Variants in CYBRD1 observed in about 807,000 individuals in gnomAD.
CYBRD1 encodes the protein cytochrome b reductase 1, also known as plasma membrane ascorbate-dependent reductase CYBRD1.
CYBRD1 carries 14 observed loss-of-function variants against 21.9 expected under a neutral mutation model. The ratio of observed to expected loss-of-function variants is 0.64; its 90% CI spans 0.42 to 1.00. CYBRD1 has a LOEUF of 1.00. Ranked by LOEUF, CYBRD1 falls within the 50% of genes least tolerant of loss-of-function variation. CYBRD1 has a pLI of 0.00. For missense variants in CYBRD1, 328 were observed against 352.5 expected (o/e 0.93, Z 0.56); for synonymous variants, 146 against 136.5 (o/e 1.07, Z -0.48).
intron 1 of CYBRD1, among the ~76,000 whole-genome samples, chr2:171,524,021 G>C (rs1455340343): frequency 1.3e-5 from 2 of 152,206 alleles, no homozygotes; most frequent in African/African-American, 4.8e-5. Context: ...GTGCAAAAGA[G>C]TGCTGACCTC....
intron 1 of CYBRD1, among the ~76,000 whole-genome samples, chr2:171,537,177 G>A (rs760925911): frequency 1.5e-4 from 23 of 152,244 alleles, no homozygotes; most frequent in Non-Finnish European, 2.4e-4. Flanking sequence ...GTATGTGTGC[G>A]TGTGTGTGTA....
chr2:171,538,854 A>G (rs77695410), intron 1 of CYBRD1, among the ~76,000 whole-genome samples: 8,252 of 151,966 alleles, frequency 0.054, 906 homozygotes, highest in East Asian at 0.53. Context: ...CTGGAGTGCA[A>G]TGGTGCGGTC....
At chr2:171,538,377 G>A (rs77248090) in intron 1 of CYBRD1, among the ~76,000 whole-genome samples, 4 of 152,154 alleles carry the variant, frequency 2.6e-5, no homozygotes, top group African/African-American at 4.8e-5. Context: ...ACACATTAAC[G>A]CCCTCAGAGA....
At position 171,555,388 on chromosome 2, in the gene CYBRD1, G is replaced by A. The variant is rs574833301; in HGVS notation, c.*561G>A. On this transcript the variant is annotated 3_prime_UTR_variant, in exon 4 of 4. Transcript: ENST00000321348. ...CTGCCTTCTGCTCCCTCCCCAGCTG[G>A]TTTGGGCTCAAATTGTCCCTGGAGA... 9.5e-5 allele frequency: 15 copies of A among 158,584 alleles called. No homozygotes were observed. Among genetic ancestry groups the A allele is most frequent in the African/African-American group, 3.4e-4 (14 of 41,570 alleles). The allele number at this position is 158,584 out of a possible 1,614,324, so 9.8% of individuals were successfully genotyped here.
intron 2 of CYBRD1, among the ~76,000 whole-genome samples, chr2:171,548,235 C>G (rs901710120): frequency 6.6e-6 from 1 of 152,058 alleles, no homozygotes; most frequent in Non-Finnish European, 1.5e-5. Flanking sequence ...ATTAGCATCA[C>G]TAGGGAAATT....
chr2:171,522,499 C>A lies in CYBRD1; in HGVS notation c.-47C>A, dbSNP rs767053544. On this transcript the variant is annotated 5_prime_UTR_variant, in exon 1 of 4. Transcript: ENST00000321348. The surrounding 1 kb of genome is among the most constrained non-coding windows in gnomAD (Gnocchi z 4.3). ...GCCACTACCCAGAGGGCTGCCGCCG[C>A]CTCTCCAAGTTCTTGTGGCCCCCGC... 3 of 1,557,896 alleles carry A rather than the reference C, an allele frequency of 1.9e-6. No individual in the cohort carries two copies. Among genetic ancestry groups the A allele is most frequent in the East Asian group, 4.7e-5 (2 of 42,172 alleles).
rs140650014 is a variant in CYBRD1 at position 171,544,707 on chromosome 2, C to G, written c.402+2914C>G. Among the ~76,000 whole-genome samples the G allele has an allele frequency of 2.5e-3, 376 of 152,260 alleles. 3 individuals are homozygous for G. Among genetic ancestry groups the G allele is most frequent in the African/African-American group, 8.7e-3 (362 of 41,536 alleles). ...CATCTCTGCTCCTACTATTTATGTACAAAGCCAATTGCATCCTATAGAGTA... is the reference window on the plus strand; with the variant it reads ...CATCTCTGCTCCTACTATTTATGTAGAAAGCCAATTGCATCCTATAGAGTA... On this transcript the variant is annotated intron_variant, in intron 2 of 3. Coordinates refer to ENST00000321348, the MANE Select transcript of CYBRD1 (RefSeq NM_024843.4).
chr2:171,553,316 A>G, intron 2 of CYBRD1, 30 bp from the exon 3 acceptor site: 1 of 1,611,828 alleles, frequency 6.2e-7, no homozygotes. Flanking sequence ...TTAAAATTAA[A>G]TGATAACCTT....
intron 2 of CYBRD1, among the ~76,000 whole-genome samples, chr2:171,550,820 CAGAA>C (rs1697786606): frequency 6.6e-6 from 1 of 151,806 alleles, no homozygotes; most frequent in African/African-American, 2.4e-5. Flanking sequence ...TGAGAGAAAA[CAGAA>C]AGAATCTTAG....
Position 171,522,562 on chromosome 2 carries a change from ACTGGCGCTTC to A in CYBRD1, c.26_35del (p.Phe9CysfsTer13), listed in dbSNP as rs1697323115. 6.2e-7 allele frequency: 1 copy of A among 1,606,400 alleles called. No homozygotes were observed. The highest frequency in any genetic ancestry group is 8.5e-7 in the Non-Finnish European group (1 of 1,177,272). On this transcript the variant is annotated frameshift_variant, in exon 1 of 4. Coordinates refer to ENST00000321348, the MANE Select transcript of CYBRD1 (RefSeq NM_024843.4). LOFTEE classifies it high-confidence loss of function. The surrounding 1 kb of genome is among the most constrained non-coding windows in gnomAD (Gnocchi z 4.3). ...GGGGCGCTGATGGCCATGGAGGGCTACTGGCGCTTCCTGGCGCTGCTGGGGTCGGCACTGC... is the reference window on the plus strand; with the variant it reads ...GGGGCGCTGATGGCCATGGAGGGCTACTGGCGCTGCTGGGGTCGGCACTGC...
At chr2:171,532,402 G>A (rs1165769267) in intron 1 of CYBRD1, among the ~76,000 whole-genome samples, 1 of 152,172 alleles carries the variant, frequency 6.6e-6, no homozygotes, top group African/African-American at 2.4e-5. Context: ...GTTGTTAAGT[G>A]GGTCCAAGTG....
chr2:171,553,944 T>C (rs1260139583), intron 3 of CYBRD1, among the ~76,000 whole-genome samples: 1 of 152,104 alleles, frequency 6.6e-6, no homozygotes, highest in Non-Finnish European at 1.5e-5. Context: ...TTACTGAAAA[T>C]GAAAGTACAC....
upstream of CYBRD1, chr2:171,522,338 G>A (rs1280172407): frequency 4.6e-6 from 7 of 1,518,974 alleles, no homozygotes; most frequent in Non-Finnish European, 1.8e-6. The surrounding 1 kb of genome is among the most constrained non-coding windows in gnomAD (Gnocchi z 4.3). Context: ...CGTGATCCCG[G>A]GGGTGGGGCC....
In CYBRD1 at chr2:171,537,231, T is replaced by C. The variant is rs150564419; in HGVS notation, c.194-4354T>C. ...GGCAAGGGGGAGATGTGTTATTAGG[T>C]CTTCATATATCGCACATTTTTATTT... On this transcript the variant is annotated intron_variant, in intron 1 of 3. Coordinates refer to ENST00000321348, the MANE Select transcript of CYBRD1 (RefSeq NM_024843.4). Among the ~76,000 whole-genome samples the C allele has an allele frequency of 1.2e-3, 185 of 152,210 alleles. 3 individuals are homozygous for C. Among genetic ancestry groups the C allele is most frequent in the East Asian group, 0.011 (57 of 5,180 alleles).
intron 1 of CYBRD1, among the ~76,000 whole-genome samples, chr2:171,523,877 G>A (rs942023461): frequency 1.3e-5 from 2 of 152,188 alleles, no homozygotes; most frequent in South Asian, 2.1e-4. Context: ...GGGTGGAGTG[G>A]TGTTATGTCG....
chr2:171,545,837 G>A (rs1697704622), intron 2 of CYBRD1, among the ~76,000 whole-genome samples: 1 of 151,958 alleles, frequency 6.6e-6, no homozygotes. Context: ...TTTGTGTTGG[G>A]AGCATTCCAG....
In CYBRD1 at chr2:171,545,581, G is replaced by A. The variant is rs1244018894; in HGVS notation, c.402+3788G>A. Among the ~76,000 whole-genome samples, 8 of 146,174 alleles carry A rather than the reference G, an allele frequency of 5.5e-5. No homozygotes were observed. The East Asian group carries it at 1.6e-3, about 29-fold the overall frequency. ...TTTTTTTTTTTTTAGTAGAGACGGG[G>A]TTTCACCATGTTGGTCAGGCTGGTC... On this transcript the variant is annotated intron_variant, in intron 2 of 3. Coordinates refer to ENST00000321348, the MANE Select transcript of CYBRD1 (RefSeq NM_024843.4).
intron 1 of CYBRD1, among the ~76,000 whole-genome samples, chr2:171,525,522 G>A (rs905364315): frequency 5.9e-5 from 9 of 152,122 alleles, no homozygotes; most frequent in Non-Finnish European, 8.8e-5. Context: ...TAGGCTGCGA[G>A]GGACCCACAT....
chr2:171,527,387 G>A (rs1402007083), intron 1 of CYBRD1, among the ~76,000 whole-genome samples: 1 of 152,194 alleles, frequency 6.6e-6, no homozygotes, highest in Non-Finnish European at 1.5e-5. Flanking sequence ...TGGTAGACGA[G>A]TAAGTGGTTG....
Sources: allele counts gnomAD v4.1 joint callset (sites outside exome capture counted in the v4.1 genomes callset), GRCh38; gene constraint gnomAD v4.1.1; non-coding constraint Gnocchi (gnomAD v3.1); transcripts MANE v1.5; gene names NCBI Gene and HGNC (gene_info 2026-07-23, HGNC 2026-07-21).